Variants in ARPC1A observed in about 807,000 individuals in gnomAD.
ARPC1A encodes actin-related protein 2/3 complex subunit 1A.
A neutral mutation model predicts 46.9 loss-of-function variants in ARPC1A; 8 were observed. The observed-to-expected ratio is 0.17, with a 90% CI of 0.10 to 0.31. The LOEUF (loss-of-function observed/expected upper bound fraction) is 0.31. Ranked by LOEUF, ARPC1A falls within the 10% of genes least tolerant of loss-of-function variation. The pLI is 1.00. For missense variants in ARPC1A, 286 were observed against 483.6 expected, an observed-to-expected ratio of 0.59 and a Z score of 3.83; for synonymous variants, 152 against 169.0, an observed-to-expected ratio of 0.90 and a Z score of 0.78.
chr7:99,338,104 A>T, intron 2 of ARPC1A, 77 bp from the exon 3 acceptor site: 2 of 1,120,824 alleles, frequency 1.8e-6, no homozygotes, highest in Non-Finnish European at 2.6e-6. Flanking sequence ...TCTGCTTTTA[A>T]AACAACTGTG....
intron 3 of ARPC1A, among the ~76,000 whole-genome samples, chr7:99,342,085 G>C (rs975553685): frequency 5.3e-5 from 8 of 152,078 alleles, no homozygotes; most frequent in African/African-American, 1.4e-4. Flanking sequence ...TAAAAAAGTG[G>C]AATAGTATAA....
At chr7:99,364,748 G>A (rs1198293455) in intron 9 of ARPC1A, among the ~76,000 whole-genome samples, 3 of 152,106 alleles carry the variant, frequency 2.0e-5, no homozygotes, top group Non-Finnish European at 4.4e-5. Context: ...ATTTATAGCT[G>A]ACACTAATTA....
Position 99,344,441 on chromosome 7 carries a change from C to A in ARPC1A, c.318C>A (p.Pro106=). ...NRAATFVKWS[P]LENKFAVGSG... is the part of the protein sequence containing the mutation. ...CAGCTACTTTTGTGAAGTGGTCCCC[C>A]CTAGAGAACAAATTTGCTGTGGGAA... Residue 106 remains proline, a synonymous_variant, in exon 4 of 10, where the codon CCC becomes CCA. Coordinates refer to ENST00000262942, the MANE Select transcript of ARPC1A (RefSeq NM_006409.4). 8 of 1,613,922 alleles carry A rather than the reference C, an allele frequency of 5.0e-6. No individual in the cohort carries two copies. Among genetic ancestry groups the A allele is most frequent in the Non-Finnish European group, 5.9e-6 (7 of 1,179,850 alleles).
chr7:99,361,763 T>G (rs1377691272), intron 8 of ARPC1A, among the ~76,000 whole-genome samples: 1 of 152,212 alleles, frequency 6.6e-6, no homozygotes, highest in Admixed American at 6.5e-5. Context: ...ACTAGAACTG[T>G]GTCAGCTAAC....
intron 5 of ARPC1A, among the ~76,000 whole-genome samples, chr7:99,352,984 T>TAC (rs1793569552): frequency 1.3e-5 from 2 of 151,990 alleles, no homozygotes; most frequent in African/African-American, 4.8e-5. Flanking sequence ...TATATATATA[T>TAC]ACTAGAATAT....
intron 1 of ARPC1A, among the ~76,000 whole-genome samples, chr7:99,329,284 G>C (rs567007174): frequency 1.3e-5 from 2 of 150,258 alleles, no homozygotes; most frequent in Non-Finnish European, 3.0e-5. Flanking sequence ...CTGGGCGACA[G>C]AGCGAGACTC....
At chr7:99,355,996 G>A (rs189035875) in intron 6 of ARPC1A, among the ~76,000 whole-genome samples, 398 of 152,296 alleles carry the variant, frequency 2.6e-3, no homozygotes, top group Non-Finnish European at 2.2e-3. Flanking sequence ...AAAGTACTTG[G>A]CCAGACATCA....
At chr7:99,333,072 T>C (rs1793174988) in intron 1 of ARPC1A, among the ~76,000 whole-genome samples, 1 of 152,092 alleles carries the variant, frequency 6.6e-6, no homozygotes, top group African/African-American at 2.4e-5. Flanking sequence ...AATTTTTGTA[T>C]TTTTAGTAGA....
chr7:99,351,689 C>T (rs911034878), intron 5 of ARPC1A, among the ~76,000 whole-genome samples: 2 of 152,200 alleles, frequency 1.3e-5, no homozygotes, highest in African/African-American at 2.4e-5. Context: ...CAGTCCTCTG[C>T]CAGGCATCTT....
At chr7:99,362,501 T>TG (rs886386623) in intron 8 of ARPC1A, among the ~76,000 whole-genome samples, 5 of 148,448 alleles carry the variant, frequency 3.4e-5, no homozygotes, top group African/African-American at 1.2e-4. Context: ...CTGGCTAATT[T>TG]TTTTTTTTTT....
chr7:99,332,047 T>C (rs1009950151), intron 1 of ARPC1A, among the ~76,000 whole-genome samples: 3 of 152,248 alleles, frequency 2.0e-5, no homozygotes, highest in Non-Finnish European at 4.4e-5. Context: ...TTCTATAGAA[T>C]GGCACACACC....
At chr7:99,344,231 G>C in intron 3 of ARPC1A, 62 bp from the exon 4 acceptor site, 1 of 1,536,406 alleles carries the variant, frequency 6.5e-7, no homozygotes, top group Non-Finnish European at 9.0e-7. Flanking sequence ...CCACCCACCT[G>C]CCTGTGCCGC....
chr7:99,346,032 G>A (rs1562799540), intron 4 of ARPC1A, among the ~76,000 whole-genome samples: 1 of 151,998 alleles, frequency 6.6e-6, no homozygotes, highest in Non-Finnish European at 1.5e-5. Context: ...TGACCAACAC[G>A]GATAAACCCT....
intron 5 of ARPC1A, among the ~76,000 whole-genome samples, chr7:99,351,510 C>T (rs536093522): frequency 2.6e-5 from 4 of 152,296 alleles, no homozygotes; most frequent in African/African-American, 7.2e-5. Context: ...TGAGCCACTG[C>T]GCCTGGCCCA....
At chr7:99,327,726 C>T (rs958099258) in intron 1 of ARPC1A, among the ~76,000 whole-genome samples, 2 of 152,086 alleles carry the variant, frequency 1.3e-5, no homozygotes, top group East Asian at 1.9e-4. Flanking sequence ...ATTTTGGACG[C>T]GGAGTGGTGA....
chr7:99,363,413 C>T, intron 8 of ARPC1A, 130 bp from the exon 9 acceptor site: 1 of 718,646 alleles, frequency 1.4e-6, no homozygotes, highest in Non-Finnish European at 2.3e-6. Flanking sequence ...GACCCGCATC[C>T]CAGCTCTATT....
chr7:99,336,120 A>G (rs1793246531), intron 2 of ARPC1A, among the ~76,000 whole-genome samples: 1 of 152,108 alleles, frequency 6.6e-6, no homozygotes, highest in Non-Finnish European at 1.5e-5. Context: ...CTTTTGGAGT[A>G]TTTCCAATTA....
At chr7:99,356,488 C>G (rs1379639689) in intron 6 of ARPC1A, among the ~76,000 whole-genome samples, 4 of 151,338 alleles carry the variant, frequency 2.6e-5, no homozygotes, top group Non-Finnish European at 5.9e-5. Flanking sequence ...ACCTGTAATC[C>G]CAGCTACTCA....
chr7:99,332,956 G>T (rs545533361), intron 1 of ARPC1A, among the ~76,000 whole-genome samples: 52 of 151,308 alleles, frequency 3.4e-4, no homozygotes, highest in African/African-American at 1.3e-3. Flanking sequence ...GAGTGCAGTG[G>T]CATGATCTTG....
Sources: allele counts gnomAD v4.1 joint callset (sites outside exome capture counted in the v4.1 genomes callset), GRCh38; gene constraint gnomAD v4.1.1; transcripts MANE v1.5; gene names NCBI Gene and HGNC (gene_info 2026-07-23, HGNC 2026-07-21).